Variants in NUBPL observed in about 807,000 individuals in gnomAD.
NUBPL encodes the protein NUBP iron-sulfur cluster assembly factor, mitochondrial.
Under a neutral mutation model 45.7 loss-of-function variants are expected in NUBPL, and 31 were observed. The observed-to-expected ratio is 0.68, with a 90% CI of 0.51 to 0.92. The LOEUF is 0.92. Among genes scored for constraint, NUBPL ranks in the 40% least tolerant of loss-of-function variants. NUBPL has a pLI of 0.00. For missense variants in NUBPL, 401 were observed against 398.7 expected (o/e 1.01, Z -0.05); for synonymous variants, 144 against 140.9 (o/e 1.02, Z -0.15).
intron 7 of NUBPL, among the ~76,000 whole-genome samples, chr14:31,814,632 A>G (rs2163302): frequency 0.16 from 24,100 of 152,046 alleles, 5,522 homozygotes; most frequent in African/African-American, 0.51. Flanking sequence ...CCTGAATGGT[A>G]TTCCCTAGGT....
chr14:31,655,418 T>C (rs2139753635), intron 4 of NUBPL, among the ~76,000 whole-genome samples: 1 of 152,172 alleles, frequency 6.6e-6, no homozygotes. Flanking sequence ...GCAGTAATAT[T>C]TTGAAAGGAA....
At chr14:31,810,272 T>G (rs112328406) in intron 7 of NUBPL, among the ~76,000 whole-genome samples, 2 of 151,900 alleles carry the variant, frequency 1.3e-5, no homozygotes, top group African/African-American at 2.4e-5. Context: ...TTAGGTCTCT[T>G]GGGGCTTGCT....
intron 6 of NUBPL, among the ~76,000 whole-genome samples, chr14:31,754,951 C>T (rs937153886): frequency 1.7e-3 from 176 of 104,494 alleles, no homozygotes; most frequent in African/African-American, 7.5e-3. Flanking sequence ...ATGCAGTGTT[C>T]GGTTTTTTGT....
intron 6 of NUBPL, among the ~76,000 whole-genome samples, chr14:31,683,888 A>G (rs1435358890): frequency 6.6e-6 from 1 of 152,126 alleles, no homozygotes; most frequent in Non-Finnish European, 1.5e-5. Context: ...TTTAAATTCA[A>G]GTCTTAAATG....
At chr14:31,750,300 C>G (rs551748103) in intron 6 of NUBPL, among the ~76,000 whole-genome samples, 1 of 150,406 alleles carries the variant, frequency 6.6e-6, no homozygotes, top group Non-Finnish European at 1.5e-5. Flanking sequence ...TCAGCCTCTC[C>G]GAGTAGCTGG....
chr14:31,578,713 G>GTC (rs1298084310), intron 3 of NUBPL, among the ~76,000 whole-genome samples: 2 of 152,108 alleles, frequency 1.3e-5, no homozygotes, highest in South Asian at 2.1e-4. Context: ...TCTTCAGAAA[G>GTC]TCTCTCTCTC....
At chr14:31,568,106 G>GT (rs1204671608) in intron 3 of NUBPL, among the ~76,000 whole-genome samples, 1 of 152,128 alleles carries the variant, frequency 6.6e-6, no homozygotes, top group Non-Finnish European at 1.5e-5. Flanking sequence ...CAGTAATATG[G>GT]TTTTTTTCCT....
chr14:31,744,721 A>G (rs1476292317), intron 6 of NUBPL, among the ~76,000 whole-genome samples: 3 of 146,816 alleles, frequency 2.0e-5, no homozygotes, highest in Non-Finnish European at 4.4e-5. Flanking sequence ...TCCTAGGTTC[A>G]GGTAATTCTC....
chr14:31,730,939 T>C (rs1054335001), intron 6 of NUBPL, among the ~76,000 whole-genome samples: 7 of 152,118 alleles, frequency 4.6e-5, no homozygotes, highest in Non-Finnish European at 8.8e-5. Flanking sequence ...CATGGAAGGA[T>C]AAAAGACACT....
intron 4 of NUBPL, among the ~76,000 whole-genome samples, chr14:31,640,755 G>A (rs1481332337): frequency 1.3e-5 from 2 of 151,924 alleles, no homozygotes; most frequent in Non-Finnish European, 2.9e-5. Context: ...CAGGGTACAT[G>A]TGTTAATTTG....
chr14:31,790,641 G>A (rs1438287093), intron 7 of NUBPL, among the ~76,000 whole-genome samples: 1 of 151,204 alleles, frequency 6.6e-6, no homozygotes, highest in Non-Finnish European at 1.5e-5. Context: ...CACGAGGTCA[G>A]GAGATCGAGA....
At chr14:31,637,345 C>A (rs910115378) in intron 4 of NUBPL, among the ~76,000 whole-genome samples, 4 of 152,120 alleles carry the variant, frequency 2.6e-5, no homozygotes, top group African/African-American at 7.2e-5. Context: ...TTTCGTTATG[C>A]ACCCAGTAGT....
intron 7 of NUBPL, among the ~76,000 whole-genome samples, chr14:31,810,808 G>A (rs2039787867): frequency 1.3e-5 from 2 of 152,328 alleles, no homozygotes; most frequent in African/African-American, 4.8e-5. Flanking sequence ...TGTAAGGCAG[G>A]CCTGTTGGTG....
At chr14:31,841,956 G>T (rs1179241886) in intron 8 of NUBPL, among the ~76,000 whole-genome samples, 3 of 56,756 alleles carry the variant, frequency 5.3e-5, no homozygotes, top group Admixed American at 3.7e-4. Context: ...TTTGAGACGG[G>T]GTCTTCCTCT....
At chr14:31,799,899 G>A (rs770052872) in intron 7 of NUBPL, among the ~76,000 whole-genome samples, 4 of 152,176 alleles carry the variant, frequency 2.6e-5, no homozygotes, top group Non-Finnish European at 4.4e-5. Context: ...CTGTTTGATA[G>A]CATTTAACCC....
At chr14:31,747,086 A>AAG (rs2038415432) in intron 6 of NUBPL, among the ~76,000 whole-genome samples, 1 of 151,084 alleles carries the variant, frequency 6.6e-6, no homozygotes, top group African/African-American at 2.4e-5. Context: ...AAAAAAAAAA[A>AAG]AAAAAAAGAG....
intron 2 of NUBPL, among the ~76,000 whole-genome samples, chr14:31,564,112 G>A (rs2033370879): frequency 6.6e-6 from 1 of 152,068 alleles, no homozygotes; most frequent in African/African-American, 2.4e-5. Flanking sequence ...TGTTCTGTAA[G>A]GAAATGTGAT....
At chr14:31,781,842 T>C (rs2039196620) in intron 6 of NUBPL, among the ~76,000 whole-genome samples, 1 of 152,180 alleles carries the variant, frequency 6.6e-6, no homozygotes, top group Non-Finnish European at 1.5e-5. Flanking sequence ...TAATTCTCTT[T>C]CTTAAATAAC....
At chr14:31,561,973 T>C in intron 1 of NUBPL, 95 bp from the exon 2 acceptor site, 1 of 1,258,874 alleles carries the variant, frequency 7.9e-7, no homozygotes, top group Non-Finnish European at 1.1e-6. Flanking sequence ...AAGAAAGCCC[T>C]CTTAATTGCA....
Sources: gnomAD v4.1 joint callset for allele counts (sites outside exome capture counted in the v4.1 genomes callset) on GRCh38, gnomAD v4.1.1 for gene constraint, MANE v1.5 for transcripts, NCBI Gene and HGNC (gene_info 2026-07-23, HGNC 2026-07-21) for gene names.